Variants in PDE4D observed in about 807,000 individuals in gnomAD.
PDE4D encodes the protein 3',5'-cyclic-AMP phosphodiesterase 4D.
PDE4D carries 24 observed loss-of-function variants against 87.4 expected under a neutral mutation model. The observed-to-expected ratio is 0.27, with a 90% CI of 0.20 to 0.39. The LOEUF is 0.39. Ranked by LOEUF, PDE4D falls within the 10% of genes least tolerant of loss-of-function variation. The pLI, the probability that PDE4D is intolerant of heterozygous loss-of-function variation, is 1.00. For synonymous variants in PDE4D, 384 were observed against 383.2 expected (o/e 1.00, Z -0.02); for missense variants, 714 against 1,041.0 (o/e 0.69, Z 4.32).
chr5:59,203,844 G>A (rs1019847479), intron 2 of PDE4D, among the ~76,000 whole-genome samples: 1 of 152,186 alleles, frequency 6.6e-6, no homozygotes, highest in African/African-American at 2.4e-5. Flanking sequence ...GACTGGAGCA[G>A]GGCCTGGGGG....
intron 5 of PDE4D, among the ~76,000 whole-genome samples, chr5:59,108,139 C>T (rs1271249947): frequency 6.6e-6 from 1 of 152,166 alleles, no homozygotes; most frequent in Non-Finnish European, 1.5e-5. Context: ...CAATAGAAAA[C>T]TGAAACTGAG....
In PDE4D at chr5:60,291,691, T is replaced by TA. The variant is rs1007735704; in HGVS notation, c.-89-106005dup. ...AGATTCTATTTATAAAAAACAAAAT[T>TA]AAAAAAAAAACCATGTAAGGCTAGC... is the stretch of plus-strand genomic sequence containing the variant. On this transcript the variant is annotated intron_variant, in intron 1 of 16. Transcript: ENST00000502484. Among the ~76,000 whole-genome samples the TA allele has an allele frequency of 2.5e-4, 37 of 148,724 alleles. No individual in the cohort carries two copies. In the East Asian group the frequency reaches 2.7e-3, roughly 11 times the overall value.
chr5:59,705,205 A>T (rs1753210244), intron 1 of PDE4D, among the ~76,000 whole-genome samples: 1 of 151,992 alleles, frequency 6.6e-6, no homozygotes, highest in Non-Finnish European at 1.5e-5. Flanking sequence ...TCCAGGCCTG[A>T]GAAGAAGAGA....
intron 1 of PDE4D, among the ~76,000 whole-genome samples, chr5:59,334,752 G>A (rs150303402): frequency 2.8e-4 from 42 of 151,820 alleles, no homozygotes; most frequent in African/African-American, 7.7e-4. Context: ...AACTTGAAGC[G>A]GGTCTTCTCC....
intron 2 of PDE4D, among the ~76,000 whole-genome samples, chr5:60,000,922 G>A (rs1763959396): frequency 6.6e-6 from 1 of 152,184 alleles, no homozygotes. Context: ...CATGTTCTCG[G>A]AGACAGGCTT....
intron 2 of PDE4D, among the ~76,000 whole-genome samples, chr5:60,017,322 C>T (rs145720159): frequency 9.4e-4 from 143 of 152,204 alleles, no homozygotes; most frequent in Middle Eastern, 3.4e-3. Flanking sequence ...GTTGGATACA[C>T]GTGCAGGACA....
At chr5:60,133,602 A>C (rs979496867) in intron 2 of PDE4D, among the ~76,000 whole-genome samples, 7 of 152,230 alleles carry the variant, frequency 4.6e-5, no homozygotes, top group African/African-American at 1.7e-4. Context: ...CATAAAACAC[A>C]GCAAGCACTC....
At chr5:60,068,064 C>T (rs1355360446) in intron 2 of PDE4D, among the ~76,000 whole-genome samples, 1 of 152,136 alleles carries the variant, frequency 6.6e-6, no homozygotes, top group Non-Finnish European at 1.5e-5. Flanking sequence ...ATCCTGATTT[C>T]AATTCTTTTG....
intron 3 of PDE4D, among the ~76,000 whole-genome samples, chr5:59,185,934 A>G (rs8180396): frequency 0.68 from 103,701 of 152,042 alleles, 35,607 homozygotes; most frequent in Non-Finnish European, 0.72. Context: ...CCACACACAT[A>G]ACAAGGCAGG....
intron 2 of PDE4D, among the ~76,000 whole-genome samples, chr5:60,183,044 T>G (rs1435987565): frequency 6.6e-6 from 1 of 152,086 alleles, no homozygotes. Flanking sequence ...GGGGCCCTAA[T>G]GATGGGATTA....
At chr5:59,617,890 C>A (rs79153638) in intron 1 of PDE4D, among the ~76,000 whole-genome samples, 4 of 152,318 alleles carry the variant, frequency 2.6e-5, no homozygotes, top group East Asian at 3.9e-4. Flanking sequence ...TCCTACCATA[C>A]CAATGAAGTG....
At chr5:59,233,711 T>G (rs1476360698) in intron 1 of PDE4D, among the ~76,000 whole-genome samples, 2 of 152,128 alleles carry the variant, frequency 1.3e-5, no homozygotes, top group Non-Finnish European at 2.9e-5. Context: ...TTCAGTGTAT[T>G]TCTGGTGTAA....
At chr5:59,039,398 G>A (rs938872011) in intron 5 of PDE4D, 1 of 1,008,316 alleles carries the variant, frequency 9.9e-7, no homozygotes, top group Non-Finnish European at 1.2e-6. Context: ...GTCCACAGCC[G>A]GATCTCCTCG....
At chr5:59,457,064 G>A (rs953354883) in intron 1 of PDE4D, among the ~76,000 whole-genome samples, 2 of 152,208 alleles carry the variant, frequency 1.3e-5, no homozygotes, top group Non-Finnish European at 2.9e-5. Context: ...CAGCAGTTGG[G>A]TTTCAGAGGA....
chr5:59,707,266 C>T (rs1753559113), intron 1 of PDE4D, among the ~76,000 whole-genome samples: 1 of 152,108 alleles, frequency 6.6e-6, no homozygotes, highest in Admixed American at 6.6e-5. Flanking sequence ...TTTTATAACT[C>T]TTCGTGAATA....
chr5:59,532,172 T>C lies in PDE4D; in HGVS notation c.456-316204A>G, dbSNP rs903604990. 5.9e-5 allele frequency among the ~76,000 whole-genome samples: 9 copies of C among 152,306 alleles called. No homozygotes were observed. In the East Asian group the frequency reaches 1.7e-3, roughly 29 times the overall value. On this transcript the variant is annotated intron_variant, in intron 1 of 14. Transcript: ENST00000340635. ...TGATTTTTGAGATGGAATATCACTC[T>C]CACCCAGGCTAGAGTGCCGTGGCGT... is the stretch of plus-strand genomic sequence containing the variant.
In PDE4D at chr5:59,893,126, T is replaced by C. The variant is rs6866988; in HGVS notation, c.455+42A>G. On this transcript the variant is annotated intron_variant, in intron 1 of 14. Coordinates refer to ENST00000340635, the MANE Select transcript of PDE4D (RefSeq NM_001104631.2). ...ATGGAGTATTTGAGAAAAGGGGAGG[T>C]GACCCTTTGCCTGAATGGGGGAGGG... The C allele has an allele frequency of 7.0e-3, 10,617 of 1,510,000 alleles. 586 individuals are homozygous for C. In the African/African-American group the frequency reaches 0.13, roughly 18 times the overall value. The allele number at this position is 1,510,000 out of a possible 1,614,324, so 93.5% of individuals were successfully genotyped here.
chr5:59,617,652 T>C (rs1829861068), intron 1 of PDE4D, among the ~76,000 whole-genome samples: 2 of 152,332 alleles, frequency 1.3e-5, no homozygotes, highest in South Asian at 2.1e-4. Context: ...GGATGGATGC[T>C]GCTACAAGCA....
intron 5 of PDE4D, among the ~76,000 whole-genome samples, chr5:59,151,898 G>A (rs942263367): frequency 2.0e-5 from 3 of 152,122 alleles, no homozygotes; most frequent in African/African-American, 7.2e-5. Context: ...ACAAATAAGG[G>A]AAGGAGTGAG....
Sources: allele counts gnomAD v4.1 joint callset (sites outside exome capture counted in the v4.1 genomes callset), GRCh38; gene constraint gnomAD v4.1.1; transcripts MANE v1.5; gene names NCBI Gene and HGNC (gene_info 2026-07-23, HGNC 2026-07-21).